SLCO1C1: variants seen among roughly 807,000 people sequenced by gnomAD.
SLCO1C1 encodes solute carrier organic anion transporter family member 1C1.
SLCO1C1 carries 70 observed loss-of-function variants against 76.4 expected under a neutral mutation model. The ratio of observed to expected loss-of-function variants is 0.92; its 90% CI spans 0.76 to 1.12. The LOEUF is 1.12. SLCO1C1 is among the 50% of genes most tolerant of loss of function. The pLI, the probability that SLCO1C1 is intolerant of heterozygous loss-of-function variation, is 0.00. For missense variants in SLCO1C1, 912 were observed against 823.8 expected, an observed-to-expected ratio of 1.11 and a Z score of -1.31; for synonymous variants, 306 against 286.1, an observed-to-expected ratio of 1.07 and a Z score of -0.70.
intron 9 of SLCO1C1, among the ~76,000 whole-genome samples, chr12:20,732,610 T>G (rs924046422): frequency 5.3e-5 from 8 of 152,174 alleles, no homozygotes; most frequent in Non-Finnish European, 8.8e-5. Flanking sequence ...GGGCACCTAA[T>G]TGCTACCTAA....
chr12:20,743,485 CAT>C (rs1565544766), intron 13 of SLCO1C1, 116 bp downstream of exon 13: 2 of 696,388 alleles, frequency 2.9e-6, no homozygotes, highest in Non-Finnish European at 4.7e-6. Flanking sequence ...TGGCAAAGTT[CAT>C]AGTCTTTTTT....
chr12:20,715,981 C>CT (rs1592254031), intron 6 of SLCO1C1, among the ~76,000 whole-genome samples: 1 of 152,218 alleles, frequency 6.6e-6, no homozygotes, highest in African/African-American at 2.4e-5. Context: ...TCAGTCTCTC[C>CT]TTTTTTAACT....
chr12:20,719,585 A>T (rs1443728590), intron 7 of SLCO1C1, among the ~76,000 whole-genome samples: 1 of 152,212 alleles, frequency 6.6e-6, no homozygotes, highest in Non-Finnish European at 1.5e-5. Flanking sequence ...AAATAGCCTT[A>T]TTGAGATAAA....
At chr12:20,700,547 C>G (rs961672279) in intron 2 of SLCO1C1, among the ~76,000 whole-genome samples, 4 of 151,550 alleles carry the variant, frequency 2.6e-5, no homozygotes, top group Admixed American at 2.6e-4. Context: ...GTGCTGCACC[C>G]GTTAACTCGT....
chr12:20,714,505 G>T (rs545857059), intron 5 of SLCO1C1, among the ~76,000 whole-genome samples: 1 of 152,196 alleles, frequency 6.6e-6, no homozygotes, highest in Admixed American at 6.5e-5. Context: ...GCTGTCAAAT[G>T]ATTTCTTTTG....
At chr12:20,702,392 C>T (rs1328253613) in intron 3 of SLCO1C1, among the ~76,000 whole-genome samples, 1 of 151,698 alleles carries the variant, frequency 6.6e-6, no homozygotes, top group African/African-American at 2.4e-5. Context: ...ATTTGCTTCC[C>T]AAATTCATCT....
chr12:20,714,995 T>G lies in SLCO1C1; in HGVS notation c.530-144T>G, dbSNP rs894694065. 8.0e-5 allele frequency: 80 copies of G among 995,084 alleles called. No individual in the cohort carries two copies. In the Middle Eastern group the frequency reaches 1.2e-3, roughly 15 times the overall value. 61.6% of individuals were successfully genotyped at this position (995,084 alleles called of 1,614,324 possible). A position where few individuals can be genotyped will look rare whatever the true frequency, so the allele number is the denominator to read the frequency against. ...GAAGGTATAAAACATTTTTAGAACT[T>G]GACCAAACTCCCATCAAATTAAGAC... is the stretch of plus-strand genomic sequence containing the variant. On this transcript the variant is annotated intron_variant, in intron 5 of 14. Coordinates refer to ENST00000266509, the MANE Select transcript of SLCO1C1 (RefSeq NM_017435.5).
intron 1 of SLCO1C1, among the ~76,000 whole-genome samples, chr12:20,697,729 G>A (rs145508155): frequency 7.6e-4 from 115 of 152,016 alleles, no homozygotes; most frequent in Middle Eastern, 3.4e-3. Context: ...ACCAATTGTT[G>A]CATCTTTTAG....
chr12:20,740,864 G>T (rs185391382), intron 12 of SLCO1C1, among the ~76,000 whole-genome samples: 5 of 139,772 alleles, frequency 3.6e-5, no homozygotes, highest in Admixed American at 3.0e-4. Context: ...GTCTGTGGAG[G>T]ATTTCATGGC....
chr12:20,740,436 T>A lies in SLCO1C1; in HGVS notation c.1733+68T>A, dbSNP rs577327680. ...AATCATCTCGAGCAATGATTTAAAT[T>A]TTTTTCTGTGGAGTCTATGATTCCT... is the stretch of plus-strand genomic sequence containing the variant. On this transcript the variant is annotated intron_variant, in intron 12 of 14. Coordinates refer to ENST00000266509, the MANE Select transcript of SLCO1C1 (RefSeq NM_017435.5). 44 of 1,454,932 alleles carry A rather than the reference T, an allele frequency of 3.0e-5. No homozygotes were observed. The South Asian group carries it at 5.3e-4, about 18-fold the overall frequency. The allele number at this position is 1,454,932 out of a possible 1,614,324, so 90.1% of individuals were successfully genotyped here. A position where few individuals can be genotyped will look rare whatever the true frequency, so the allele number is the denominator to read the frequency against.
intron 9 of SLCO1C1, among the ~76,000 whole-genome samples, chr12:20,725,737 G>A (rs954533699): frequency 6.6e-5 from 10 of 151,512 alleles, no homozygotes; most frequent in African/African-American, 2.4e-4. Context: ...ACACACGGAA[G>A]TTGTGCAAAT....
At chr12:20,721,676 AT>A in intron 7 of SLCO1C1, 127 bp from the exon 8 acceptor site, 1 of 1,172,158 alleles carries the variant, frequency 8.5e-7, no homozygotes, top group Non-Finnish European at 1.1e-6. Context: ...AAAAAAAAAA[AT>A]AGCATAGATG....
chr12:20,730,517 C>G (rs1018482185), intron 9 of SLCO1C1, among the ~76,000 whole-genome samples: 2 of 152,098 alleles, frequency 1.3e-5, no homozygotes, highest in African/African-American at 4.8e-5. Flanking sequence ...TTTCTATAAT[C>G]TATTCATTAT....
At chr12:20,746,156 A>G (rs547033413) in intron 13 of SLCO1C1, among the ~76,000 whole-genome samples, 1 of 152,308 alleles carries the variant, frequency 6.6e-6, no homozygotes, top group South Asian at 2.1e-4. Flanking sequence ...ATCACAAGGG[A>G]ACAGAACCAA....
intron 11 of SLCO1C1, among the ~76,000 whole-genome samples, chr12:20,739,398 G>GTT (rs796285191): frequency 2.1e-5 from 3 of 140,614 alleles, no homozygotes; most frequent in African/African-American, 5.2e-5. Context: ...GTTTTTTTTT[G>GTT]TTTTTTTTTT....
intron 10 of SLCO1C1, among the ~76,000 whole-genome samples, chr12:20,734,310 A>G (rs1296410958): frequency 6.6e-6 from 1 of 152,168 alleles, no homozygotes; most frequent in Non-Finnish European, 1.5e-5. Flanking sequence ...GGGAGTTATC[A>G]CAGCCACATT....
intron 3 of SLCO1C1, among the ~76,000 whole-genome samples, chr12:20,703,272 T>C (rs1341992755): frequency 1.3e-5 from 2 of 151,958 alleles, no homozygotes; most frequent in Admixed American, 6.6e-5. Flanking sequence ...TCCGTCTTTA[T>C]GTTATTTGTA....
In SLCO1C1 at chr12:20,752,485, T is replaced by C; in HGVS notation, c.2096T>C (p.Leu699Pro). The change falls in exon 15 of 15, where the codon CTG (leucine) becomes CCG (proline). Residue 699 changes from leucine (L) to proline (P), a missense_variant. By Grantham distance (98) the Leu-to-Pro change is moderately conservative (BLOSUM62 -3). Coordinates refer to ENST00000266509, the MANE Select transcript of SLCO1C1 (RefSeq NM_017435.5). ...QKENYTTSDH[L>P]LQPNYWPGKE... is the part of the protein sequence containing the mutation. ...GAAAATTACACTACAAGTGATCATCTGCTACAACCCAACTACTGGCCAGGC... is the reference window on the plus strand; with the variant it reads ...GAAAATTACACTACAAGTGATCATCCGCTACAACCCAACTACTGGCCAGGC... 6.2e-7 allele frequency: 1 copy of C among 1,609,182 alleles called. No individual in the cohort carries two copies. Among genetic ancestry groups the C allele is most frequent in the South Asian group, 1.1e-5 (1 of 90,232 alleles).
chr12:20,724,226 G>A (rs1438922530), intron 9 of SLCO1C1, among the ~76,000 whole-genome samples: 1 of 151,482 alleles, frequency 6.6e-6, no homozygotes, highest in Non-Finnish European at 1.5e-5. Context: ...AACACCCCAT[G>A]CATGCTAATC....
Sources: allele counts gnomAD v4.1 joint callset (sites outside exome capture counted in the v4.1 genomes callset), GRCh38; gene constraint gnomAD v4.1.1; transcripts MANE v1.5; gene names NCBI Gene and HGNC (gene_info 2026-07-23, HGNC 2026-07-21).